The following MYCBP2 variants were observed in gnomAD, a reference collection of about 807,000 sequenced individuals.
The protein encoded by MYCBP2 is MYC binding protein 2.
Under a neutral mutation model 525.3 loss-of-function variants are expected in MYCBP2, and 120 were observed. The ratio of observed to expected loss-of-function variants is 0.23; its 90% CI spans 0.20 to 0.27. The LOEUF (loss-of-function observed/expected upper bound fraction) is 0.27, where lower values mean the gene tolerates loss of function less well. Among genes scored for constraint, MYCBP2 ranks in the 10% least tolerant of loss-of-function variants. The pLI is 1.00. For missense variants in MYCBP2, 4,149 were observed against 5,657.1 expected, an observed-to-expected ratio of 0.73 and a Z score of 8.55; for synonymous variants, 1,894 against 1,955.8, an observed-to-expected ratio of 0.97 and a Z score of 0.83.
At chr13:77,070,968 A>C (rs1177434587) in intron 68 of MYCBP2, among the ~76,000 whole-genome samples, 2 of 152,198 alleles carry the variant, frequency 1.3e-5, no homozygotes, top group Non-Finnish European at 2.9e-5. Flanking sequence ...CAATTTGAGT[A>C]GCTTTGATTA....
chr13:77,306,512 T>C (rs2079437899), intron 1 of MYCBP2, among the ~76,000 whole-genome samples: 1 of 152,042 alleles, frequency 6.6e-6, no homozygotes, highest in African/African-American at 2.4e-5. Context: ...TAAAGCTACC[T>C]TGGCAATGGG....
intron 20 of MYCBP2, among the ~76,000 whole-genome samples, chr13:77,220,370 G>C (rs2065376511): frequency 6.6e-6 from 1 of 152,080 alleles, no homozygotes; most frequent in African/African-American, 2.4e-5. Context: ...TTGAGAAACT[G>C]AGACACAAGA....
At chr13:77,201,704 C>G (rs1416328090) in intron 26 of MYCBP2, among the ~76,000 whole-genome samples, 1 of 151,930 alleles carries the variant, frequency 6.6e-6, no homozygotes, top group Non-Finnish European at 1.5e-5. Flanking sequence ...TCTCAGACCA[C>G]AGTGCAATCA....
intron 13 of MYCBP2, among the ~76,000 whole-genome samples, chr13:77,258,034 A>G (rs554721195): frequency 2.2e-4 from 34 of 152,264 alleles, no homozygotes; most frequent in Non-Finnish European, 3.7e-4. Flanking sequence ...AAACATTATC[A>G]TCCAGACTTG....
chr13:77,050,686 G>C (rs955836882), intron 82 of MYCBP2, among the ~76,000 whole-genome samples: 2 of 151,412 alleles, frequency 1.3e-5, no homozygotes, highest in African/African-American at 4.9e-5. Context: ...CCTTTTAAAT[G>C]GTTCTGTAAT....
intron 18 of MYCBP2, 107 bp from the exon 19 acceptor site, chr13:77,225,661 ACAAG>A: frequency 1.4e-6 from 2 of 1,380,514 alleles, no homozygotes; most frequent in South Asian, 2.7e-5. Context: ...GTTAAAAGGA[ACAAG>A]CAAGAAGAAT....
chr13:77,077,465 C>A, intron 66 of MYCBP2, 78 bp from the exon 67 acceptor site: 2 of 1,529,338 alleles, frequency 1.3e-6, no homozygotes, highest in Non-Finnish European at 8.9e-7. Flanking sequence ...GCATTGATAC[C>A]AGCAAGCTCA....
intron 26 of MYCBP2, among the ~76,000 whole-genome samples, chr13:77,198,484 G>C (rs2062007388): frequency 1.3e-5 from 2 of 152,216 alleles, no homozygotes; most frequent in African/African-American, 4.8e-5. Flanking sequence ...CTCCTGAACA[G>C]ATGACATTTA....
At position 77,233,360 on chromosome 13, in the gene MYCBP2, A is replaced by T. The variant is rs2067395107; in HGVS notation, c.2630-97T>A. 9 of 996,178 alleles carry T rather than the reference A, an allele frequency of 9.0e-6. No individual in the cohort carries two copies. In the South Asian group the frequency reaches 1.2e-4, roughly 13 times the overall value. 61.7% of individuals were successfully genotyped at this position (996,178 alleles called of 1,614,324 possible). On this transcript the variant is annotated intron_variant, in intron 17 of 82. Transcript: ENST00000544440. The stretch of plus-strand genomic sequence containing the variant: ...TTCAAACTAAAAAGCATAAAAATTT[A>T]TTCTTAACGGTTTTGGACATTATAC...
chr13:77,244,925 C>G (rs1421445219), intron 15 of MYCBP2, among the ~76,000 whole-genome samples: 1 of 151,906 alleles, frequency 6.6e-6, no homozygotes, highest in Admixed American at 6.6e-5. Context: ...GAAAACAAAC[C>G]ACCCCATCAA....
chr13:77,168,745 C>T (rs1021704771), intron 39 of MYCBP2, 99 bp from the exon 40 acceptor site: 2 of 1,093,402 alleles, frequency 1.8e-6, no homozygotes, highest in Non-Finnish European at 2.6e-6. Context: ...TAACAATTTC[C>T]ATCTAAATTT....
chr13:77,326,778 TCGCCGCCGC>T lies in MYCBP2; in HGVS notation c.-12_-4del, dbSNP rs754197897. 819 of 1,400,800 alleles carry T rather than the reference TCGCCGCCGC, an allele frequency of 5.8e-4. 1 individual carries two copies. Among genetic ancestry groups the T allele is most frequent in the Middle Eastern group, 3.8e-3 (15 of 3,908 alleles). 86.8% of individuals were successfully genotyped at this position (1,400,800 alleles called of 1,614,324 possible). A position where few individuals can be genotyped will look rare whatever the true frequency, so the allele number is the denominator to read the frequency against. The stretch of plus-strand genomic sequence containing the variant: ...GCAGTCGCTGCGCACATCATCATCC[TCGCCGCCGC>T]CGCCGCCGCCGCCGCCTCGTCCCCG... On this transcript the variant is annotated 5_prime_UTR_variant, in exon 1 of 83. Coordinates refer to ENST00000544440, the MANE Select transcript of MYCBP2 (RefSeq NM_015057.5). This position sits in a 1 kb window ranked among gnomAD's most constrained non-coding sequence, Gnocchi z 4.2.
intron 5 of MYCBP2, among the ~76,000 whole-genome samples, chr13:77,272,153 T>C (rs2074988928): frequency 6.6e-6 from 1 of 152,224 alleles, no homozygotes; most frequent in African/African-American, 2.4e-5. Flanking sequence ...CTACGCTATT[T>C]GACAGCTCTC....
At chr13:77,070,507 A>T (rs1262981217) in intron 69 of MYCBP2, 124 bp downstream of exon 69, 4 of 581,398 alleles carry the variant, frequency 6.9e-6, no homozygotes, top group East Asian at 2.9e-5. Flanking sequence ...AATATGGCCC[A>T]GGGAAGCCAA....
In MYCBP2 at chr13:77,058,461, G is replaced by T; in HGVS notation, c.13141-55C>A. The T allele has an allele frequency of 2.1e-6, 3 of 1,404,652 alleles. No individual in the cohort carries two copies. Among genetic ancestry groups the T allele is most frequent in the Non-Finnish European group, 2.8e-6 (3 of 1,055,552 alleles). 87.0% of individuals were successfully genotyped at this position (1,404,652 alleles called of 1,614,324 possible). ...AGTATGTAAAAAAGCACACATTCTG[G>T]TAATTTTCCTTATTATATAAATTTC... On this transcript the variant is annotated intron_variant, in intron 77 of 82. Transcript: ENST00000544440. The surrounding 1 kb of genome is among the most constrained non-coding windows in gnomAD (Gnocchi z 4.1).
rs754547691 is a variant in MYCBP2, at chr13:77,065,979, A to T, written c.12552+13T>A. On this transcript the variant is annotated intron_variant, in intron 72 of 82. Coordinates refer to ENST00000544440, the MANE Select transcript of MYCBP2 (RefSeq NM_015057.5). ...CCGCACTTCACTGCCAAAACAGAAG[A>T]ATGGGAACTTACTGCTGCCATATCC... is the stretch of plus-strand genomic sequence containing the variant. 6.2e-7 allele frequency: 1 copy of T among 1,601,550 alleles called. No homozygotes were observed. Among genetic ancestry groups the T allele is most frequent in the South Asian group, 1.1e-5 (1 of 89,256 alleles).
chr13:77,082,158 T>C, intron 63 of MYCBP2, 165 bp from the exon 64 acceptor site: 4 of 622,068 alleles, frequency 6.4e-6, no homozygotes, highest in Non-Finnish European at 1.0e-5. Context: ...TGTTTTTGTT[T>C]TTGAGAAATA....
At position 77,185,311 on chromosome 13, in the gene MYCBP2, A is replaced by G. The variant is rs1408510387; in HGVS notation, c.4511T>C (p.Leu1504Ser). 1 of 1,614,054 alleles carries G rather than the reference A, an allele frequency of 6.2e-7. No individual in the cohort carries two copies. Residue 1504 changes from leucine to serine, a missense_variant, in exon 32 of 83, where the codon TTG becomes TCG. Physicochemically the swap from Leu to Ser is moderately radical, Grantham distance 145 (BLOSUM62 -2). Coordinates refer to ENST00000544440, the MANE Select transcript of MYCBP2 (RefSeq NM_015057.5). ...TCCTTCTGATAAAATTTTTCTTAAC[A>G]AAGTTCTGGTTTTTCCAATACACTC... ...LAECIGKTRT[L>S]LRKILSEGVD...
At chr13:77,110,792 G>A (rs551775195) in intron 55 of MYCBP2, among the ~76,000 whole-genome samples, 17 of 152,164 alleles carry the variant, frequency 1.1e-4, no homozygotes, top group East Asian at 3.9e-4. Flanking sequence ...TATTGGGGGC[G>A]GGTTCCCCCA....
Sources: allele counts gnomAD v4.1 joint callset (sites outside exome capture counted in the v4.1 genomes callset), GRCh38; gene constraint gnomAD v4.1.1; non-coding constraint Gnocchi (gnomAD v3.1); transcripts MANE v1.5; gene names NCBI Gene and HGNC (gene_info 2026-07-23, HGNC 2026-07-21).